The following KIF7 variants were observed in gnomAD, a reference collection of about 807,000 sequenced individuals.
KIF7 encodes the protein kinesin-like protein KIF7.
In KIF7, 104 loss-of-function variants were observed where a neutral mutation model predicts 135.7. That is an observed-to-expected ratio of 0.77 (90% CI 0.65 to 0.90). KIF7 has a LOEUF of 0.90. Among genes scored for constraint, KIF7 ranks in the 40% least tolerant of loss-of-function variants. The probability of loss-of-function intolerance (pLI) is 0.00; values close to 1 mark genes in which losing one functional copy is unlikely to be tolerated. For synonymous variants in KIF7, 883 were observed against 809.4 expected (o/e 1.09, Z -1.54); for missense variants, 2,005 against 1,839.1 (o/e 1.09, Z -1.65).
At chr15:89,635,491 T>C (rs902796037) in intron 11 of KIF7, among the ~76,000 whole-genome samples, 5 of 152,230 alleles carry the variant, frequency 3.3e-5, no homozygotes, top group African/African-American at 9.6e-5. Context: ...AAGGAGCTGA[T>C]GGAGCTGAAA....
At position 89,628,550 on chromosome 15, in the gene KIF7, G is replaced by A; in HGVS notation, c.3901C>T (p.Pro1301Ser). ...EELRQREAAE[P>S]LVGRVLPVGE... ...ACAGGAAGCACCCGCCCCACCAGGG[G>A]CTCAGCCGCCTCCCGCTGCCTCAGT... The change falls in exon 19 of 19, where the codon CCC becomes TCC. Residue 1301 changes from proline (P) to serine (S), a missense_variant. Pro to Ser is a moderately conservative substitution (Grantham distance 74, BLOSUM62 -1). Transcript: ENST00000394412. 1.9e-6 allele frequency: 3 copies of A among 1,613,332 alleles called. No individual in the cohort carries two copies. Among genetic ancestry groups the A allele is most frequent in the Non-Finnish European group, 2.5e-6 (3 of 1,179,972 alleles).
Position 89,631,193 on chromosome 15 carries a change from C to G in KIF7, c.3111+302G>C, listed in dbSNP as rs910722754. 7.3e-6 allele frequency: 3 copies of G among 411,116 alleles called. No homozygotes were observed. In the Admixed American group the frequency reaches 1.2e-4, roughly 16 times the overall value. 25.5% of individuals were successfully genotyped at this position (411,116 alleles called of 1,614,324 possible). The stretch of plus-strand genomic sequence containing the variant: ...CTGAGTATGCGCCTGACACTCCACA[C>G]ACGAAGCCGAGACGTGTGGGCAGGT... On this transcript the variant is annotated intron_variant, in intron 15 of 18. Transcript: ENST00000394412.
intron 1 of KIF7, among the ~76,000 whole-genome samples, chr15:89,654,655 C>A (rs1390379457): frequency 6.6e-6 from 1 of 152,170 alleles, no homozygotes; most frequent in Admixed American, 6.5e-5. Context: ...TCTGGGTCCA[C>A]TTTGCACTTT....
At chr15:89,621,353 T>C (rs1213794523) in intron 1 of KIF7, 1 of 1,575,774 alleles carries the variant, frequency 6.3e-7, no homozygotes. Flanking sequence ...GAACAGGAAT[T>C]GAGAAAGAAT....
chr15:89,633,071 C>T, intron 13 of KIF7, 70 bp downstream of exon 13: 1 of 1,600,320 alleles, frequency 6.2e-7, no homozygotes, highest in Non-Finnish European at 8.5e-7. Flanking sequence ...TCGAGGTTCA[C>T]TGGGGAGAAA....
chr15:89,649,427 G>T (rs1964087022), intron 3 of KIF7, 60 bp from the exon 4 acceptor site: 23 of 1,435,610 alleles, frequency 1.6e-5, no homozygotes, highest in Non-Finnish European at 1.9e-5. Context: ...CCAGCCAGGA[G>T]GGCAGGCAGA....
At chr15:89,651,083 C>T (rs1188306835) in intron 2 of KIF7, among the ~76,000 whole-genome samples, 1 of 152,054 alleles carries the variant, frequency 6.6e-6, no homozygotes, top group African/African-American at 2.4e-5. Context: ...AGACCCCCAC[C>T]ACCATGCTTG....
At chr15:89,636,007 G>C (rs899667376) in intron 11 of KIF7, among the ~76,000 whole-genome samples, 2 of 152,136 alleles carry the variant, frequency 1.3e-5, no homozygotes, top group African/African-American at 4.8e-5. Flanking sequence ...AGCCAGAAGA[G>C]AGTGGGGGTC....
chr15:89,652,667 G>A lies in KIF7; in HGVS notation c.264C>T (p.Ala88=). ...LLEAFFEGFN[A]TVFAYGQTGS... Reference sequence around the variant, plus strand: ...CCGTCTGACCATAGGCAAAGACAGTGGCATTGAAGCCCTCGAAGAAGGCCT... The same window carrying A: ...CCGTCTGACCATAGGCAAAGACAGTAGCATTGAAGCCCTCGAAGAAGGCCT... The change falls in exon 2 of 19, where the codon GCC becomes GCT. Residue 88 remains alanine, a synonymous_variant. Coordinates refer to ENST00000394412, the MANE Select transcript of KIF7 (RefSeq NM_198525.3). 1 of 1,550,932 alleles carries A rather than the reference G, an allele frequency of 6.4e-7. No individual in the cohort carries two copies. The highest frequency in any genetic ancestry group is 2.4e-5 in the East Asian group (1 of 40,898).
chr15:89,658,572 G>A (rs1384292755), upstream of KIF7, among the ~76,000 whole-genome samples: 1 of 151,920 alleles, frequency 6.6e-6, no homozygotes, highest in African/African-American at 2.4e-5. Context: ...TTAATTAAAT[G>A]TAGGGCTGGG....
Position 89,631,501 on chromosome 15 carries a change from G to T in KIF7, c.3105C>A (p.Ser1035=). The part of the protein sequence containing the change: ...DGKLRQGSLL[S]PEEERTLFQL... Reference sequence around the variant, plus strand: ...CCATGGGGCCGCAGGGTACCTCGGGGGACAGCAGACTCCCCTGCCTCAGCT... The same window carrying T: ...CCATGGGGCCGCAGGGTACCTCGGGTGACAGCAGACTCCCCTGCCTCAGCT... Residue 1035 remains serine (S), a synonymous_variant, in exon 15 of 19, where the codon TCC becomes TCA. Coordinates refer to ENST00000394412, the MANE Select transcript of KIF7 (RefSeq NM_198525.3). 6.4e-7 allele frequency: 1 copy of T among 1,573,554 alleles called. No homozygotes were observed. The highest frequency in any genetic ancestry group is 8.6e-7 in the Non-Finnish European group (1 of 1,159,468).
intron 5 of KIF7, 69 bp from the exon 6 acceptor site, chr15:89,647,781 T>A (rs1047723855): frequency 8.6e-7 from 1 of 1,157,832 alleles, no homozygotes; most frequent in Non-Finnish European, 1.2e-6. Flanking sequence ...GGCCTCTTCT[T>A]GTTTAGCCCT....
intron 4 of KIF7, 84 bp from the exon 5 acceptor site, chr15:89,648,858 C>T (rs1222257253): frequency 9.5e-6 from 14 of 1,468,534 alleles, no homozygotes; most frequent in Non-Finnish European, 1.1e-5. Context: ...CGGCTCCTGG[C>T]GCGGTTCCCG....
In KIF7 at chr15:89,628,474, C is replaced by T. The variant is rs141225908; in HGVS notation, c.3977G>A (p.Arg1326Gln). Residue 1326 changes from arginine to glutamine, a missense_variant, in exon 19 of 19, where the codon CGG becomes CAG. By Grantham distance (43) the Arg-to-Gln change is conservative. Coordinates refer to ENST00000394412, the MANE Select transcript of KIF7 (RefSeq NM_198525.3). ...CCCCGGGCTGGCTCGTCGCAGTTCC[C>T]GCCGGGGCTTGGACAAAGGCCCAAA... ...WNFGPLSKPR[R>Q]ELRRASPGMI... 38 of 1,611,230 alleles carry T rather than the reference C, an allele frequency of 2.4e-5. No homozygotes were observed. Among genetic ancestry groups the T allele is most frequent in the East Asian group, 2.2e-4 (10 of 44,814 alleles).
downstream of KIF7, among the ~76,000 whole-genome samples, chr15:89,626,219 ACT>A (rs967625622): frequency 6.6e-6 from 1 of 151,784 alleles, no homozygotes; most frequent in South Asian, 2.1e-4. Flanking sequence ...TCCCAGAGAA[ACT>A]CCACATTAGA....
chr15:89,646,579 G>C (rs1176476798), intron 7 of KIF7, among the ~76,000 whole-genome samples: 1 of 152,164 alleles, frequency 6.6e-6, no homozygotes, highest in Non-Finnish European at 1.5e-5. Flanking sequence ...AACCCCCTCT[G>C]TAACCTCCTC....
chr15:89,642,323 C>G lies in KIF7; in HGVS notation c.2274G>C (p.Glu758Asp). The change falls in exon 11 of 19, where the codon GAG (glutamate) becomes GAC (aspartate). Residue 758 changes from glutamate (E) to aspartate (D), a missense_variant. Coordinates refer to ENST00000394412, the MANE Select transcript of KIF7 (RefSeq NM_198525.3). ...GCAGCTGCCTCTGGCCTTCACTCAG[C>G]TCGGCCCGCACCTGCTCTGCCTCCT... is the stretch of plus-strand genomic sequence containing the variant. ...LEQEAEQVRA[E>D]LSEGQRQLRE... 6.2e-7 allele frequency: 1 copy of G among 1,610,916 alleles called. No individual in the cohort carries two copies. Among genetic ancestry groups the G allele is most frequent in the Admixed American group, 1.7e-5 (1 of 59,882 alleles).
chr15:89,641,458 A>AG (rs1963918661), intron 11 of KIF7, among the ~76,000 whole-genome samples: 1 of 152,194 alleles, frequency 6.6e-6, no homozygotes, highest in African/African-American at 2.4e-5. Flanking sequence ...AGGGGATGGA[A>AG]GGGGTGGATG....
At chr15:89,624,442 C>G (rs551579638), downstream of KIF7, 22 of 1,614,076 alleles carry the variant, frequency 1.4e-5, no homozygotes, top group South Asian at 1.1e-4. Context: ...TCCTCCACCC[C>G]CTTCTAAAGT....
Sources: gnomAD v4.1 joint callset for allele counts (sites outside exome capture counted in the v4.1 genomes callset) on GRCh38, gnomAD v4.1.1 for gene constraint, MANE v1.5 for transcripts, NCBI Gene and HGNC (gene_info 2026-07-23, HGNC 2026-07-21) for gene names.